ANXA8: variants seen among roughly 807,000 people sequenced by gnomAD.
ANXA8 encodes VAC-beta.
ANXA8 carries 9 observed loss-of-function variants against 26.8 expected under a neutral mutation model. The observed-to-expected ratio is 0.34, with a 90% confidence interval of 0.20 to 0.59. ANXA8 has a LOEUF of 0.59. Among genes scored for constraint, ANXA8 ranks in the 20% least tolerant of loss-of-function variants. The pLI, the probability that ANXA8 is intolerant of heterozygous loss-of-function variation, is 0.84. For synonymous variants in ANXA8, 39 were observed against 94.8 expected, an observed-to-expected ratio of 0.41 and a Z score of 3.42; for missense variants, 83 against 238.5, an observed-to-expected ratio of 0.35 and a Z score of 4.29.
the ANXA8 span, among the ~76,000 whole-genome samples, chr10:47,665,018 C>T: frequency 2.1e-5 from 3 of 145,684 alleles, no homozygotes; most frequent in Admixed American, 2.0e-4. Context: ...TGAGCCACCA[C>T]ACCCAGTTGA....
At chr10:47,742,990 TAAAAA>T in the ANXA8 span, among the ~76,000 whole-genome samples, 4 of 91,526 alleles carry the variant, frequency 4.4e-5, no homozygotes, top group African/African-American at 1.6e-4. Flanking sequence ...CCGTCTCTAC[TAAAAA>T]AAAAAAAAAA....
the ANXA8 span, among the ~76,000 whole-genome samples, chr10:47,599,244 A>G: frequency 7.1e-6 from 1 of 140,504 alleles, no homozygotes; most frequent in Non-Finnish European, 1.5e-5. Context: ...TCCTTTTTAT[A>G]GGTCCTAGGA....
the ANXA8 span, among the ~76,000 whole-genome samples, chr10:47,742,970 C>T: frequency 3.0e-5 from 4 of 133,116 alleles, no homozygotes; most frequent in Admixed American, 8.0e-5. Flanking sequence ...CTGGTTAACA[C>T]GGTGAAACCC....
the ANXA8 span, among the ~76,000 whole-genome samples, chr10:47,678,768 G>A: frequency 1.3e-5 from 2 of 151,306 alleles, no homozygotes; most frequent in African/African-American, 4.9e-5. Flanking sequence ...GTGGCCAGGT[G>A]GGTGGCTCAC....
the ANXA8 span, among the ~76,000 whole-genome samples, chr10:47,770,201 AG>A: frequency 3.5e-4 from 42 of 120,212 alleles, no homozygotes; most frequent in African/African-American, 1.4e-3. Flanking sequence ...TGAGATTTGG[AG>A]GGGAAAAAAC....
the ANXA8 span, among the ~76,000 whole-genome samples, chr10:47,930,000 C>G: frequency 1.3e-5 from 2 of 152,294 alleles, no homozygotes; most frequent in African/African-American, 2.4e-5. Context: ...TGCAGATCAT[C>G]CACCCCTCTC....
chr10:47,606,004 A>G, the ANXA8 span, among the ~76,000 whole-genome samples: 4 of 150,786 alleles, frequency 2.7e-5, no homozygotes, highest in Middle Eastern at 3.2e-3. Flanking sequence ...AGATGGGTGA[A>G]CATAAACCAC....
the ANXA8 span, among the ~76,000 whole-genome samples, chr10:47,530,609 C>T: frequency 3.3e-5 from 5 of 151,356 alleles, no homozygotes; most frequent in Admixed American, 3.3e-4. Flanking sequence ...AGGAGAATCC[C>T]TTGAACCCGG....
the ANXA8 span, among the ~76,000 whole-genome samples, chr10:47,951,722 A>T: frequency 6.8e-6 from 1 of 147,508 alleles, no homozygotes; most frequent in Admixed American, 6.8e-5. Flanking sequence ...GAGGCAGGAG[A>T]ATCACTTGAA....
the ANXA8 span, among the ~76,000 whole-genome samples, chr10:47,561,868 G>A: frequency 2.0e-5 from 3 of 151,180 alleles, no homozygotes; most frequent in South Asian, 6.3e-4. Context: ...GGAGAGGCAG[G>A]AAAGTGGGAG....
chr10:47,733,167 T>TTCTTTCTTTCTTTCTTTCTCTC, the ANXA8 span, among the ~76,000 whole-genome samples: 6 of 99,652 alleles, frequency 6.0e-5, no homozygotes, highest in African/African-American at 1.6e-4. Context: ...CTTTCTTTCT[T>TTCTTTCTTTCTTTCTTTCTCTC]TCTTTCTTTC....
chr10:47,484,019 A>G lies in ANXA8; in HGVS notation c.-86T>C, dbSNP rs1839956136. The G allele has an allele frequency of 4.3e-6, 7 of 1,611,588 alleles. No homozygotes were observed. The highest frequency in any genetic ancestry group is 5.9e-6 in the Non-Finnish European group (7 of 1,179,790). On this transcript the variant is annotated 5_prime_UTR_variant, in exon 1 of 12. Coordinates refer to ENST00000585281, the MANE Select transcript of ANXA8 (RefSeq NM_001040084.3). ...GGGACTCCACACGTCTGGCTCCTGC[A>G]GCTGAGGAGTGAGCAGGCCGCTCAC...
chr10:47,556,246 T>C, the ANXA8 span, among the ~76,000 whole-genome samples: 1 of 151,890 alleles, frequency 6.6e-6, no homozygotes, highest in African/African-American at 2.4e-5. Flanking sequence ...TGTCCATGCC[T>C]CGCCTCCCCC....
chr10:47,667,671 G>A, the ANXA8 span, among the ~76,000 whole-genome samples: 1 of 151,646 alleles, frequency 6.6e-6, no homozygotes, highest in Non-Finnish European at 1.5e-5. Context: ...TGGTGCCTCA[G>A]CCTACCCAGT....
chr10:47,565,624 C>A, the ANXA8 span: 1 of 324,352 alleles, frequency 3.1e-6, no homozygotes, highest in Non-Finnish European at 5.6e-6. Context: ...CCGCGCGCGG[C>A]CTGAACTTCG....
the ANXA8 span, among the ~76,000 whole-genome samples, chr10:47,653,947 A>T: frequency 1.3e-5 from 2 of 150,124 alleles, no homozygotes; most frequent in Non-Finnish European, 2.9e-5. Flanking sequence ...CGCCCAGCAT[A>T]AGTCATATTT....
At chr10:47,579,888 C>CAA in the ANXA8 span, among the ~76,000 whole-genome samples, 1 of 142,792 alleles carries the variant, frequency 7.0e-6, no homozygotes, top group African/African-American at 2.8e-5. Context: ...ACATATGAAC[C>CAA]AAAAAAAAAA....
chr10:47,671,918 A>G, the ANXA8 span, among the ~76,000 whole-genome samples: 3 of 151,122 alleles, frequency 2.0e-5, no homozygotes, highest in Non-Finnish European at 4.4e-5. Flanking sequence ...GGTTTCTTTT[A>G]AAAGACCAGT....
At chr10:47,658,186 G>A in the ANXA8 span, among the ~76,000 whole-genome samples, 11 of 151,846 alleles carry the variant, frequency 7.2e-5, 1 homozygote, top group African/African-American at 2.4e-4. Context: ...TGGCTAACAT[G>A]GAGAAACCCC....
Sources: gnomAD v4.1 joint callset for allele counts (sites outside exome capture counted in the v4.1 genomes callset) on GRCh38, gnomAD v4.1.1 for gene constraint, MANE v1.5 for transcripts, NCBI Gene and HGNC (gene_info 2026-07-23, HGNC 2026-07-21) for gene names.